The following VPS33B variants were observed in gnomAD, a reference collection of about 807,000 sequenced individuals.
The protein encoded by VPS33B is vacuolar protein sorting-associated protein 33B.
VPS33B carries 80 observed loss-of-function variants against 95.3 expected under a neutral mutation model. That is an observed-to-expected ratio of 0.84 (90% CI 0.70 to 1.01). The LOEUF (loss-of-function observed/expected upper bound fraction) is 1.01, where lower values mean the gene tolerates loss of function less well. Ranked by LOEUF, VPS33B falls within the 50% of genes least tolerant of loss-of-function variation. The probability of loss-of-function intolerance (pLI) is 0.00; values close to 1 mark genes in which losing one functional copy is unlikely to be tolerated. For synonymous variants in VPS33B, 280 were observed against 280.4 expected, an observed-to-expected ratio of 1.00 and a Z score of 0.01; for missense variants, 715 against 773.4, an observed-to-expected ratio of 0.92 and a Z score of 0.90.
In VPS33B at chr15:91,010,584, G is replaced by A. The variant is rs58511719; in HGVS notation, c.358-738C>T. On this transcript the variant is annotated intron_variant, in intron 5 of 22. Transcript: ENST00000333371. This position sits in a 1 kb window ranked among gnomAD's most constrained non-coding sequence, Gnocchi z 5.7. ...CCACTGCACTCCAGCCTGGGCAACA[G>A]AGTGAGGCCCTGTCTCAAATAAATA... 0.06 allele frequency among the ~76,000 whole-genome samples: 9,114 copies of A among 152,222 alleles called. 920 individuals carry two copies. The highest frequency in any genetic ancestry group is 0.21 in the African/African-American group (8,616 of 41,474).
chr15:91,021,894 T>G (rs947510211), intron 1 of VPS33B, among the ~76,000 whole-genome samples: 2 of 152,204 alleles, frequency 1.3e-5, no homozygotes, highest in African/African-American at 2.4e-5. Context: ...GTCTTAACCA[T>G]CTTTCCGTCC....
At position 91,000,055 on chromosome 15, in the gene VPS33B, C is replaced by A; in HGVS notation, c.1582-80G>T. 1 of 1,566,898 alleles carries A rather than the reference C, an allele frequency of 6.4e-7. No homozygotes were observed. The highest frequency in any genetic ancestry group is 1.1e-5 in the South Asian group (1 of 89,656). On this transcript the variant is annotated intron_variant, in intron 20 of 22. Transcript: ENST00000333371. The surrounding 1 kb of genome is among the most constrained non-coding windows in gnomAD (Gnocchi z 4.9). ...AGGAAGGGCACAGCAGCCAGACTGT[C>A]ACATTTCTTGCTCATTACTCAAGTA...
rs1226233463 is a variant in VPS33B, at chr15:91,005,208, C to T, written c.1106-89G>A. ...CAGGTGTCTGTCTCCCCATCTCTTT[C>T]TCCATCCTTGGGGTGGGTTAAGGGA... is the stretch of plus-strand genomic sequence containing the variant. On this transcript the variant is annotated intron_variant, in intron 14 of 22. Coordinates refer to ENST00000333371, the MANE Select transcript of VPS33B (RefSeq NM_018668.5). The surrounding 1 kb of genome is among the most constrained non-coding windows in gnomAD (Gnocchi z 6.4). The T allele has an allele frequency of 6.2e-7, 1 of 1,612,678 alleles. No individual in the cohort carries two copies. The highest frequency in any genetic ancestry group is 1.3e-5 in the African/African-American group (1 of 75,040).
At position 91,006,665 on chromosome 15, in the gene VPS33B, G is replaced by A. The variant is rs1173710963; in HGVS notation, c.765C>T (p.Phe255=). 6.8e-6 allele frequency: 11 copies of A among 1,614,082 alleles called. No homozygotes were observed. The highest frequency in any genetic ancestry group is 8.5e-6 in the Non-Finnish European group (10 of 1,180,052). The change falls in exon 10 of 23, where the codon TTC becomes TTT. Residue 255 remains phenylalanine, a synonymous_variant. Transcript: ENST00000333371. This position sits in a 1 kb window ranked among gnomAD's most constrained non-coding sequence, Gnocchi z 5.4. ...VVYEGLVDDT[F]RIKCGSVDFG... ...CATAGCACTTACCACACTTGATGCG[G>A]AAGGTGTCATCTACTAGGCCCTCAT...
Position 90,999,330 on chromosome 15 carries a change from TC to T in VPS33B, c.1775-277del. 2 of 539,806 alleles carry T rather than the reference TC, an allele frequency of 3.7e-6. No homozygotes were observed. Among genetic ancestry groups the T allele is most frequent in the Non-Finnish European group, 3.3e-6 (1 of 300,540 alleles). 33.4% of individuals were successfully genotyped at this position (539,806 alleles called of 1,614,324 possible). Reference sequence around the variant, plus strand: ...GGACACTTTGCGTGTTTTTTTTTTTTCTCTTGAGATGGAGTTTTGCTATTGT... The same window carrying T: ...GGACACTTTGCGTGTTTTTTTTTTTTTCTTGAGATGGAGTTTTGCTATTGT... On this transcript the variant is annotated intron_variant, in intron 22 of 22. Transcript: ENST00000333371. This position sits in a 1 kb window ranked among gnomAD's most constrained non-coding sequence, Gnocchi z 5.1.
In VPS33B at chr15:91,017,935, G is replaced by A. The variant is rs758334114; in HGVS notation, c.97-50C>T. 13 of 1,587,992 alleles carry A rather than the reference G, an allele frequency of 8.2e-6. No individual in the cohort carries two copies. The East Asian group carries it at 8.9e-5, about 11-fold the overall frequency. ...TCACTCACAGGTCACATGAGCTTCC[G>A]CAGCTGAGAAGTGGCCCAGCCACCC... On this transcript the variant is annotated intron_variant, in intron 1 of 22. Coordinates refer to ENST00000333371, the MANE Select transcript of VPS33B (RefSeq NM_018668.5).
rs2040768093 is a variant in VPS33B at position 91,011,150 on chromosome 15, C to G, written c.358-1304G>C. Among the ~76,000 whole-genome samples the G allele has an allele frequency of 6.6e-6, 1 of 152,154 alleles. No homozygotes were observed. Among genetic ancestry groups the G allele is most frequent in the Non-Finnish European group, 1.5e-5 (1 of 68,038 alleles). ...GCTCATCTTAGGAGGGAAAAGGCCA[C>G]GATCTCTTCCTCCTTTGAGGTAAGT... On this transcript the variant is annotated intron_variant, in intron 5 of 22. Coordinates refer to ENST00000333371, the MANE Select transcript of VPS33B (RefSeq NM_018668.5). The surrounding 1 kb of genome is among the most constrained non-coding windows in gnomAD (Gnocchi z 5.5).
intron 2 of VPS33B, among the ~76,000 whole-genome samples, chr15:91,017,367 A>AATCTATATAT (rs2040962223): frequency 6.3e-5 from 1 of 15,848 alleles, no homozygotes; most frequent in Non-Finnish European, 1.1e-4. Flanking sequence ...TACAAAATTA[A>AATCTATATAT]ATATATATAT....
intron 3 of VPS33B, among the ~76,000 whole-genome samples, chr15:91,016,666 G>A (rs555873686): frequency 2.6e-4 from 39 of 152,278 alleles, no homozygotes; most frequent in African/African-American, 7.0e-4. Context: ...TTACAGGCAT[G>A]AGCCGCCGCA....
rs1396249805 is a variant in VPS33B at position 91,007,684 on chromosome 15, G to C, written c.499-111C>G. ...GGGTGGCAGGGCCTGGGGGATGCTT[G>C]AAAGGTTTTCATTGGCTCCACAGGA... is the stretch of plus-strand genomic sequence containing the variant. On this transcript the variant is annotated intron_variant, in intron 7 of 22. Transcript: ENST00000333371. This position sits in a 1 kb window ranked among gnomAD's most constrained non-coding sequence, Gnocchi z 5.3. The C allele has an allele frequency of 1.5e-6, 2 of 1,304,926 alleles. No individual in the cohort carries two copies. Among genetic ancestry groups the C allele is most frequent in the Non-Finnish European group, 2.2e-6 (2 of 904,452 alleles). 80.8% of individuals were successfully genotyped at this position (1,304,926 alleles called of 1,614,324 possible). A position where few individuals can be genotyped will look rare whatever the true frequency, so the allele number is the denominator to read the frequency against.
rs2040945444 is a variant in VPS33B, at chr15:91,016,950, C to T, written c.239+13G>A. ...CCAGCTTGGAGTAGGGACAGACTCT[C>T]CCAGACACTCACTGTTCATTGGAGC... On this transcript the variant is annotated intron_variant, in intron 3 of 22. Transcript: ENST00000333371. The T allele has an allele frequency of 1.2e-6, 2 of 1,613,680 alleles. No homozygotes were observed. Among genetic ancestry groups the T allele is most frequent in the Admixed American group, 3.3e-5 (2 of 59,988 alleles).
chr15:91,022,223 G>T lies in VPS33B; in HGVS notation c.27C>A (p.Ala9=). Residue 9 remains alanine, a synonymous_variant, in exon 1 of 23, where the codon GCC becomes GCA. Transcript: ENST00000333371. MAFPHRPD[A]PELPDFSMLK... ...GCATGGAGAAGTCAGGCAGCTCAGG[G>T]GCGTCCGGCCGATGGGGAAAAGCCA... 6.3e-7 allele frequency: 1 copy of T among 1,581,848 alleles called. No individual in the cohort carries two copies. The highest frequency in any genetic ancestry group is 8.6e-7 in the Non-Finnish European group (1 of 1,160,784).
chr15:91,000,657 A>C lies in VPS33B; in HGVS notation c.1480-66T>G. On this transcript the variant is annotated intron_variant, in intron 19 of 22. Coordinates refer to ENST00000333371, the MANE Select transcript of VPS33B (RefSeq NM_018668.5). This position sits in a 1 kb window ranked among gnomAD's most constrained non-coding sequence, Gnocchi z 4.9. ...GCTCCCTAACCCTTTAAAGGGTCAG[A>C]TAAAGTGGCATGGCCCAAGGAACAA... The C allele has an allele frequency of 7.3e-7, 1 of 1,369,690 alleles. No homozygotes were observed. The allele number at this position is 1,369,690 out of a possible 1,614,324, so 84.8% of individuals were successfully genotyped here. A position where few individuals can be genotyped will look rare whatever the true frequency, so the allele number is the denominator to read the frequency against.
In VPS33B at chr15:91,006,467, T is replaced by C; in HGVS notation, c.779-22A>G. The C allele has an allele frequency of 6.2e-7, 1 of 1,614,148 alleles. No individual in the cohort carries two copies. The highest frequency in any genetic ancestry group is 8.5e-7 in the Non-Finnish European group (1 of 1,179,992). On this transcript the variant is annotated intron_variant, in intron 10 of 22. Transcript: ENST00000333371. The surrounding 1 kb of genome is among the most constrained non-coding windows in gnomAD (Gnocchi z 5.4). ...CTCCCTTTGAGAGCAGAGGGACAGCTATTAGGATCTCCAATGAGGACTTCT... is the reference window on the plus strand; with the variant it reads ...CTCCCTTTGAGAGCAGAGGGACAGCCATTAGGATCTCCAATGAGGACTTCT...
intron 1 of VPS33B, among the ~76,000 whole-genome samples, chr15:91,020,264 A>G (rs2041065539): frequency 1.3e-5 from 2 of 152,252 alleles, no homozygotes; most frequent in South Asian, 2.1e-4. Flanking sequence ...TAAAAAAGTT[A>G]TGTGTAAAGA....
In VPS33B at chr15:91,006,604, C is replaced by A. The variant is rs1022298163; in HGVS notation, c.778+48G>T. The A allele has an allele frequency of 3.1e-6, 5 of 1,613,232 alleles. No individual in the cohort carries two copies. The Admixed American group carries it at 6.7e-5, about 22-fold the overall frequency. Reference sequence around the variant, plus strand: ...CTGCCCCACGTGGGAGGTGCCAAGGCTGATGACCCGTCCATCTTGCCAAGA... The same window carrying A: ...CTGCCCCACGTGGGAGGTGCCAAGGATGATGACCCGTCCATCTTGCCAAGA... On this transcript the variant is annotated intron_variant, in intron 10 of 22. Transcript: ENST00000333371. This position sits in a 1 kb window ranked among gnomAD's most constrained non-coding sequence, Gnocchi z 5.4.
chr15:91,006,673 C>A lies in VPS33B; in HGVS notation c.757G>T (p.Asp253Tyr). The change falls in exon 10 of 23, where the codon GAC (aspartate) becomes TAC (tyrosine). Residue 253 changes from aspartate (D) to tyrosine (Y), a missense_variant. Transcript: ENST00000333371. The surrounding 1 kb of genome is among the most constrained non-coding windows in gnomAD (Gnocchi z 5.4). ...TTACCACACTTGATGCGGAAGGTGT[C>A]ATCTACTAGGCCCTCATAAACCACT... is the stretch of plus-strand genomic sequence containing the variant. ...SQVVYEGLVD[D>Y]TFRIKCGSVD... 1 of 1,614,186 alleles carries A rather than the reference C, an allele frequency of 6.2e-7. No homozygotes were observed. Among genetic ancestry groups the A allele is most frequent in the South Asian group, 1.1e-5 (1 of 91,082 alleles).
At chr15:91,003,288 G>C (rs770875524) in intron 16 of VPS33B, among the ~76,000 whole-genome samples, 157 bp from the exon 17 acceptor site, 9 of 152,166 alleles carry the variant, frequency 5.9e-5, no homozygotes, top group Non-Finnish European at 1.2e-4. Context: ...ATTTAAGCTT[G>C]CTTATTGAAA....
At position 91,005,966 on chromosome 15, in the gene VPS33B, G is replaced by A. The variant is rs1167057502; in HGVS notation, c.939+7C>T. 1.2e-6 allele frequency: 2 copies of A among 1,613,932 alleles called. No homozygotes were observed. The highest frequency in any genetic ancestry group is 2.7e-5 in the African/African-American group (2 of 74,940). ...ACAAAACAGAGGAGCAGGGCTTGGA[G>A]CCTCACATCATACTGGGCCTGCAAG... On this transcript the variant is annotated splice_region_variant and intron_variant, in intron 12 of 22. Coordinates refer to ENST00000333371, the MANE Select transcript of VPS33B (RefSeq NM_018668.5). The surrounding 1 kb of genome is among the most constrained non-coding windows in gnomAD (Gnocchi z 6.4).
Sources: allele counts gnomAD v4.1 joint callset (sites outside exome capture counted in the v4.1 genomes callset), GRCh38; gene constraint gnomAD v4.1.1; non-coding constraint Gnocchi (gnomAD v3.1); transcripts MANE v1.5; gene names NCBI Gene and HGNC (gene_info 2026-07-23, HGNC 2026-07-21).